The following GPHN variants were observed in gnomAD, a reference collection of about 807,000 sequenced individuals.
GPHN encodes gephyrin.
Under a neutral mutation model 95.5 loss-of-function variants are expected in GPHN, and 17 were observed. The ratio of observed to expected loss-of-function variants is 0.18; its 90% confidence interval spans 0.12 to 0.27. The LOEUF (loss-of-function observed/expected upper bound fraction) is 0.27, where lower values mean the gene tolerates loss of function less well. GPHN is among the 10% of genes least tolerant of loss of function. The pLI is 1.00. For missense variants in GPHN, 660 were observed against 978.1 expected, an observed-to-expected ratio of 0.67 and a Z score of 4.34; for synonymous variants, 320 against 322.5, an observed-to-expected ratio of 0.99 and a Z score of 0.08.
At chr14:67,547,808 C>G in the GPHN span, among the ~76,000 whole-genome samples, 1 of 152,208 alleles carries the variant, frequency 6.6e-6, no homozygotes, top group Non-Finnish European at 1.5e-5. Flanking sequence ...AGGGAATAAT[C>G]TGTGCTAAAA....
At chr14:66,637,604 G>A (rs796879905) in intron 1 of GPHN, among the ~76,000 whole-genome samples, 1 of 152,094 alleles carries the variant, frequency 6.6e-6, no homozygotes, top group African/African-American at 2.4e-5. Flanking sequence ...TATAGTTTGT[G>A]AGAAAGTTCT....
Position 67,098,933 on chromosome 14 carries a change from C to T in GPHN, c.1238-1923C>T, listed in dbSNP as rs564204268. On this transcript the variant is annotated intron_variant, in intron 12 of 22. Coordinates refer to ENST00000478722, the MANE Select transcript of GPHN (RefSeq NM_020806.5). ...AAACAATTTTAAATAAGTTTATTCA[C>T]GTTTGAGATGCAGTTGGTGTGGAAC... 7.9e-5 allele frequency among the ~76,000 whole-genome samples: 12 copies of T among 151,660 alleles called. No homozygotes were observed. The Middle Eastern group carries it at 0.024, about 301-fold the overall frequency.
chr14:67,620,635 C>G, the GPHN span, among the ~76,000 whole-genome samples: 1 of 152,098 alleles, frequency 6.6e-6, no homozygotes, highest in South Asian at 2.1e-4. Flanking sequence ...TCAGTCATCT[C>G]GAAGCCCAGA....
chr14:66,937,250 C>T (rs192593779), intron 8 of GPHN, among the ~76,000 whole-genome samples: 1 of 152,228 alleles, frequency 6.6e-6, no homozygotes, highest in East Asian at 1.9e-4. Context: ...GCAATCCACC[C>T]TCCTCAACCT....
At chr14:66,985,402 C>T (rs958583809) in intron 9 of GPHN, among the ~76,000 whole-genome samples, 4 of 152,154 alleles carry the variant, frequency 2.6e-5, no homozygotes, top group African/African-American at 4.8e-5. Flanking sequence ...TGTAACACTA[C>T]TCCAGATACT....
At chr14:67,381,589 G>T in the GPHN span, 1 of 1,607,468 alleles carries the variant, frequency 6.2e-7, no homozygotes, top group Non-Finnish European at 8.5e-7. Context: ...TTTTGTAATT[G>T]TAGATATTGA....
the GPHN span, among the ~76,000 whole-genome samples, chr14:67,278,341 CT>C: frequency 0.087 from 12,048 of 137,870 alleles, 1,043 homozygotes; most frequent in African/African-American, 0.23. Context: ...CGGCCCAATT[CT>C]TTTTTTTTTT....
intron 1 of GPHN, among the ~76,000 whole-genome samples, chr14:66,627,377 C>G (rs1196636442): frequency 6.6e-6 from 1 of 151,962 alleles, no homozygotes; most frequent in Non-Finnish European, 1.5e-5. Flanking sequence ...TCCCCCCGCC[C>G]CCAACATTGT....
the GPHN span, among the ~76,000 whole-genome samples, chr14:67,698,216 A>G: frequency 2.6e-5 from 4 of 152,250 alleles, no homozygotes; most frequent in East Asian, 7.7e-4. Context: ...GTGTATTTGC[A>G]TATCCATATA....
At chr14:67,585,595 G>A in the GPHN span, 11 of 1,584,800 alleles carry the variant, frequency 6.9e-6, no homozygotes, top group South Asian at 3.5e-5. Context: ...CAAGGAGAAC[G>A]CTCTGGTGTG....
chr14:66,841,012 TATAGA>T (rs1350120842), intron 4 of GPHN, among the ~76,000 whole-genome samples: 1 of 145,026 alleles, frequency 6.9e-6, no homozygotes, highest in Non-Finnish European at 1.5e-5. Context: ...TAGATATAGA[TATAGA>T]TATAGATATA....
At chr14:66,725,269 C>T (rs1009337595) in intron 2 of GPHN, among the ~76,000 whole-genome samples, 4 of 152,196 alleles carry the variant, frequency 2.6e-5, no homozygotes, top group African/African-American at 9.6e-5. Flanking sequence ...ATTAACACAT[C>T]TGCCAAGCTG....
At chr14:67,230,745 G>T in the GPHN span, among the ~76,000 whole-genome samples, 1 of 152,154 alleles carries the variant, frequency 6.6e-6, no homozygotes, top group Non-Finnish European at 1.5e-5. Flanking sequence ...TTGTCGTATG[G>T]TCATACAGTG....
the GPHN span, chr14:67,722,849 G>A: frequency 2.5e-6 from 2 of 792,118 alleles, no homozygotes; most frequent in South Asian, 1.4e-5. Flanking sequence ...AAGGAAGGGG[G>A]TGTTGTGGAT....
At chr14:66,533,035 T>C (rs1056259746) in intron 1 of GPHN, among the ~76,000 whole-genome samples, 1 of 152,220 alleles carries the variant, frequency 6.6e-6, no homozygotes, top group Non-Finnish European at 1.5e-5. Context: ...ATGCTGAGTG[T>C]GTAGTCGCCG....
At chr14:67,134,393 C>T (rs72715388) in intron 17 of GPHN, among the ~76,000 whole-genome samples, 7,293 of 152,284 alleles carry the variant, frequency 0.048, 202 homozygotes, top group Middle Eastern at 0.068. Context: ...TTTGAATATA[C>T]AGTTGTTTCA....
At chr14:67,380,898 A>C in the GPHN span, 1 of 462,780 alleles carries the variant, frequency 2.2e-6, no homozygotes. Context: ...TTTTTATAAC[A>C]AAAGCTTAAG....
the GPHN span, among the ~76,000 whole-genome samples, chr14:67,455,050 A>C: frequency 6.6e-6 from 1 of 152,138 alleles, no homozygotes; most frequent in African/African-American, 2.4e-5. Context: ...GGGTTTCACC[A>C]TGTTGACCAG....
At chr14:66,725,601 A>T (rs2071159659) in intron 2 of GPHN, among the ~76,000 whole-genome samples, 2 of 152,130 alleles carry the variant, frequency 1.3e-5, no homozygotes, top group African/African-American at 2.4e-5. Flanking sequence ...CTCCTGCCTC[A>T]GCCTCCTGAG....
Sources: allele counts gnomAD v4.1 joint callset (sites outside exome capture counted in the v4.1 genomes callset), GRCh38; gene constraint gnomAD v4.1.1; transcripts MANE v1.5; gene names NCBI Gene and HGNC (gene_info 2026-07-23, HGNC 2026-07-21).